The following PLA2G4D variants were observed in gnomAD, a reference collection of about 807,000 sequenced individuals.
PLA2G4D encodes the protein cytosolic phospholipase A2 delta.
In PLA2G4D, 80 loss-of-function variants were observed where a neutral mutation model predicts 94.4. The observed-to-expected ratio is 0.85, with a 90% CI of 0.71 to 1.02. The LOEUF (loss-of-function observed/expected upper bound fraction) is 1.02, where lower values mean the gene tolerates loss of function less well. Among genes scored for constraint, PLA2G4D ranks in the 50% least tolerant of loss-of-function variants. The pLI is 0.00. For synonymous variants in PLA2G4D, 438 were observed against 440.9 expected (o/e 0.99, Z 0.08); for missense variants, 1,050 against 1,034.7 (o/e 1.01, Z -0.20).
At chr15:42,071,989 C>T in intron 14 of PLA2G4D, 78 bp from the exon 15 acceptor site, 1 of 1,528,694 alleles carries the variant, frequency 6.5e-7, no homozygotes, top group Non-Finnish European at 8.9e-7. Context: ...AAAGACACTG[C>T]CCCTGCCCCC....
chr15:42,083,657 C>T, intron 7 of PLA2G4D, 59 bp downstream of exon 7: 1 of 1,597,712 alleles, frequency 6.3e-7, no homozygotes, highest in Non-Finnish European at 8.6e-7. Flanking sequence ...GGCTTCCCAG[C>T]AATCCTCCTC....
chr15:42,093,369 G>C (rs946553667), intron 1 of PLA2G4D, among the ~76,000 whole-genome samples: 1 of 152,210 alleles, frequency 6.6e-6, no homozygotes, highest in Non-Finnish European at 1.5e-5. Flanking sequence ...AGGGGAAAGG[G>C]GCACAGCCTT....
In PLA2G4D at chr15:42,072,394, T is replaced by C. The variant is rs373853561; in HGVS notation, c.1318-2A>G. On this transcript the variant is annotated splice_acceptor_variant, in intron 13 of 19. Transcript: ENST00000290472. LOFTEE classifies it high-confidence loss of function. ...TCCTGACAGCTTCTGATCCATCACC[T>C]GGGGCCAGAGGGCATCAGGGCCTAA... 14 of 1,611,666 alleles carry C rather than the reference T, an allele frequency of 8.7e-6. No individual in the cohort carries two copies. Among genetic ancestry groups the C allele is most frequent in the African/African-American group, 2.7e-5 (2 of 74,846 alleles).
intron 14 of PLA2G4D, 116 bp from the exon 15 acceptor site, chr15:42,072,027 C>G: frequency 7.4e-7 from 1 of 1,350,068 alleles, no homozygotes; most frequent in African/African-American, 1.5e-5. Context: ...CTGTGCCTGG[C>G]ACCAATGCAG....
chr15:42,080,213 T>G (rs541270287), intron 12 of PLA2G4D, among the ~76,000 whole-genome samples: 1 of 152,318 alleles, frequency 6.6e-6, no homozygotes. Context: ...AGTGGCTTAC[T>G]GTACTGGACA....
At chr15:42,086,136 T>G in intron 4 of PLA2G4D, 77 bp downstream of exon 4, 1 of 1,451,206 alleles carries the variant, frequency 6.9e-7, no homozygotes, top group Non-Finnish European at 9.3e-7. Context: ...TCCCAACAGG[T>G]GGGAGAAATA....
rs886929474 is a variant in PLA2G4D, at chr15:42,084,953, C to T, written c.471+143G>A. 1 of 893,684 alleles carries T rather than the reference C, an allele frequency of 1.1e-6. No homozygotes were observed. The highest frequency in any genetic ancestry group is 1.7e-5 in the African/African-American group (1 of 60,416). The allele number at this position is 893,684 out of a possible 1,614,324, so 55.4% of individuals were successfully genotyped here. On this transcript the variant is annotated intron_variant, in intron 6 of 19. Transcript: ENST00000290472. The surrounding 1 kb of genome is among the most constrained non-coding windows in gnomAD (Gnocchi z 4.8). ...TCCAAGACCCACAGCCACAGGTGAC[C>T]ACCTGGCTGGAAGGCTAGGGGTGGT...
rs1433633429 is a variant in PLA2G4D, at chr15:42,079,594, G to A, written c.1260C>T (p.His420=). The A allele has an allele frequency of 8.1e-6, 13 of 1,609,800 alleles. No homozygotes were observed. Among genetic ancestry groups the A allele is most frequent in the Non-Finnish European group, 1.1e-5 (13 of 1,178,950 alleles). Residue 420 remains histidine, a synonymous_variant, in exon 13 of 20, where the codon CAC becomes CAT. Transcript: ENST00000290472. The part of the protein sequence containing the change: ...RELELRAEQG[H]PTTFVDLWAL... ...CCCACAGGTCCACAAAGGTCGTGGG[G>A]TGGCCCTGCTCAGCCCGCAGCTCCA...
chr15:42,071,844 G>T lies in PLA2G4D; in HGVS notation c.1503C>A (p.Leu501=), dbSNP rs767842436. 26 of 1,614,204 alleles carry T rather than the reference G, an allele frequency of 1.6e-5. No homozygotes were observed. The South Asian group carries it at 2.7e-4, about 17-fold the overall frequency. ...GTCCCATGAAGAACTCGGAGCCGAAGAGCTCAGGAGGGACGAAGGCCCCGT... is the reference window on the plus strand; with the variant it reads ...GTCCCATGAAGAACTCGGAGCCGAATAGCTCAGGAGGGACGAAGGCCCCGT... The part of the protein sequence containing the change: ...LKYGAFVPPE[L]FGSEFFMGRL... The change falls in exon 15 of 20, where the codon CTC becomes CTA. Residue 501 remains leucine (L), a synonymous_variant. Transcript: ENST00000290472.
rs1157526119 is a variant in PLA2G4D at position 42,094,398 on chromosome 15, T to C, written c.45+17A>G. On this transcript the variant is annotated intron_variant, in intron 1 of 19. Transcript: ENST00000290472. ...CCTGCCCTGACTGGTGCCCACATGCTCTGCAGACACTGTTACCTGGTAAGG... is the reference window on the plus strand; with the variant it reads ...CCTGCCCTGACTGGTGCCCACATGCCCTGCAGACACTGTTACCTGGTAAGG... 1.9e-6 allele frequency: 3 copies of C among 1,613,900 alleles called. No homozygotes were observed. Among genetic ancestry groups the C allele is most frequent in the Admixed American group, 3.3e-5 (2 of 60,014 alleles).
intron 1 of PLA2G4D, among the ~76,000 whole-genome samples, chr15:42,092,108 C>T (rs112407457): frequency 0.076 from 11,578 of 152,230 alleles, 551 homozygotes; most frequent in Middle Eastern, 0.13. Flanking sequence ...CTCTCGTCAC[C>T]GCACACGGGG....
intron 14 of PLA2G4D, 144 bp downstream of exon 14, chr15:42,072,131 A>C (rs1712401): frequency 0.3 from 284,649 of 962,780 alleles, 43,458 homozygotes; most frequent in Middle Eastern, 0.38. Context: ...GCACAGAGAG[A>C]TGCCCTGAGC....
At chr15:42,072,222 T>A in intron 14 of PLA2G4D, 53 bp downstream of exon 14, 1 of 1,460,592 alleles carries the variant, frequency 6.8e-7, no homozygotes, top group Middle Eastern at 1.9e-4. Flanking sequence ...GCTGTCGGGG[T>A]GCAGAGGGTT....
At position 42,068,177 on chromosome 15, in the gene PLA2G4D, T is replaced by G. The variant is rs925100526; in HGVS notation, c.*538A>C. ...ATCTAAATGAAATTAAGAAAGTAAC[T>G]CCACTTATCAAAAAGAATAAAATAT... is the stretch of plus-strand genomic sequence containing the variant. On this transcript the variant is annotated 3_prime_UTR_variant, in exon 20 of 20. Transcript: ENST00000290472. The G allele has an allele frequency of 6.6e-6, 1 of 152,324 alleles. No individual in the cohort carries two copies. Among genetic ancestry groups the G allele is most frequent in the Admixed American group, 6.5e-5 (1 of 15,308 alleles). The allele number at this position is 152,324 out of a possible 1,614,324, so 9.4% of individuals were successfully genotyped here. A position where few individuals can be genotyped will look rare whatever the true frequency, so the allele number is the denominator to read the frequency against.
At chr15:42,086,474 T>TAA (rs148178869) in intron 3 of PLA2G4D, 130 bp from the exon 4 acceptor site, 350 of 667,558 alleles carry the variant, frequency 5.2e-4, no homozygotes, top group East Asian at 1.4e-3. Flanking sequence ...CGCTTCAAAA[T>TAA]AAAAAAAAAA....
chr15:42,082,125 T>C (rs1890050080), intron 9 of PLA2G4D, among the ~76,000 whole-genome samples, 154 bp downstream of exon 9: 1 of 152,030 alleles, frequency 6.6e-6, no homozygotes, highest in Non-Finnish European at 1.5e-5. Context: ...AGAGATGGGG[T>C]TTTGCCATGT....
chr15:42,087,295 T>G lies in PLA2G4D; in HGVS notation c.255+5A>C, dbSNP rs1384457962. The stretch of plus-strand genomic sequence containing the variant: ...AGGGAGTGGCCAGGAGTCCCGGGCC[T>G]TCACCTTGACCTGACTTTGGATAAG... On this transcript the variant is annotated splice_donor_5th_base_variant and intron_variant, in intron 3 of 19. Coordinates refer to ENST00000290472, the MANE Select transcript of PLA2G4D (RefSeq NM_178034.4). 2.5e-6 allele frequency: 4 copies of G among 1,614,008 alleles called. No homozygotes were observed. Among genetic ancestry groups the G allele is most frequent in the Non-Finnish European group, 2.5e-6 (3 of 1,179,952 alleles).
At chr15:42,073,278 C>T (rs1036375449) in intron 13 of PLA2G4D, among the ~76,000 whole-genome samples, 2 of 152,134 alleles carry the variant, frequency 1.3e-5, no homozygotes, top group East Asian at 3.9e-4. Flanking sequence ...GGATTACAGG[C>T]GTGAGGCACC....
At chr15:42,082,211 C>T in intron 9 of PLA2G4D, 68 bp downstream of exon 9, 1 of 1,383,572 alleles carries the variant, frequency 7.2e-7, no homozygotes. Flanking sequence ...GGATTACAGG[C>T]TTGAGCCACA....
Sources: gnomAD v4.1 joint callset for allele counts (sites outside exome capture counted in the v4.1 genomes callset) on GRCh38, gnomAD v4.1.1 for gene constraint, Gnocchi (gnomAD v3.1) non-coding constraint, MANE v1.5 for transcripts, NCBI Gene and HGNC (gene_info 2026-07-23, HGNC 2026-07-21) for gene names.